Variants in LRRC20 observed in about 807,000 individuals in gnomAD.
LRRC20 encodes the protein leucine rich repeat containing 20, also known as leucine-rich repeat-containing protein 20.
LRRC20 carries 11 observed loss-of-function variants against 14.4 expected under a neutral mutation model. That is an observed-to-expected ratio of 0.77 (90% CI 0.48 to 1.27). The LOEUF (loss-of-function observed/expected upper bound fraction) is 1.27, where lower values mean the gene tolerates loss of function less well. Ranked by LOEUF, LRRC20 falls within the 50% of genes most tolerant of loss-of-function variation. The pLI, the probability that LRRC20 is intolerant of heterozygous loss-of-function variation, is 0.00. For missense variants in LRRC20, 219 were observed against 251.2 expected, an observed-to-expected ratio of 0.87 and a Z score of 0.87; for synonymous variants, 121 against 107.3, an observed-to-expected ratio of 1.13 and a Z score of -0.79.
chr10:70,311,746 A>G (rs1013651600), intron 4 of LRRC20, among the ~76,000 whole-genome samples: 3 of 152,184 alleles, frequency 2.0e-5, no homozygotes, highest in Non-Finnish European at 2.9e-5. Flanking sequence ...TCAAGGACTC[A>G]GTGGCCTATG....
At chr10:70,370,311 C>T (rs916030300) in intron 2 of LRRC20, among the ~76,000 whole-genome samples, 3 of 152,182 alleles carry the variant, frequency 2.0e-5, no homozygotes, top group Non-Finnish European at 2.9e-5. Context: ...GAGGACACAG[C>T]CCTGCGACCC....
intron 2 of LRRC20, among the ~76,000 whole-genome samples, chr10:70,349,850 T>C (rs1490902647): frequency 1.3e-5 from 2 of 152,188 alleles, no homozygotes; most frequent in Non-Finnish European, 2.9e-5. Context: ...TTCCTAATTT[T>C]AGCATTGAGA....
At chr10:70,325,328 G>C (rs905205894) in intron 3 of LRRC20, among the ~76,000 whole-genome samples, 1 of 152,150 alleles carries the variant, frequency 6.6e-6, no homozygotes, top group Non-Finnish European at 1.5e-5. Flanking sequence ...CACATGATCC[G>C]ATCTCCTACT....
intron 2 of LRRC20, among the ~76,000 whole-genome samples, chr10:70,343,244 C>A (rs1022866642): frequency 2.0e-5 from 3 of 152,162 alleles, no homozygotes; most frequent in African/African-American, 7.2e-5. Flanking sequence ...TTTGTGCTAT[C>A]TTCCCAGTGG....
At chr10:70,327,922 C>T (rs1314360914) in intron 3 of LRRC20, among the ~76,000 whole-genome samples, 4 of 152,170 alleles carry the variant, frequency 2.6e-5, no homozygotes, top group Admixed American at 2.0e-4. Context: ...CACGCTGGCA[C>T]CTCACTTCAT....
rs939367646 is a variant in LRRC20 at position 70,303,159 on chromosome 10, TA to T, written c.401-1652del. ...GTATAGTATGTGTCAATAAAACTAT[TA>T]AAAAACAAAGACTATTATGTGCATA... On this transcript the variant is annotated intron_variant, in intron 4 of 4. Transcript: ENST00000446961. Among the ~76,000 whole-genome samples, 21 of 152,314 alleles carry T rather than the reference TA, an allele frequency of 1.4e-4. 1 individual carries two copies. Among genetic ancestry groups the T allele is most frequent in the Admixed American group, 1.1e-3 (17 of 15,306 alleles).
At chr10:70,376,625 C>T in intron 1 of LRRC20, 29 bp from the exon 2 acceptor site, 1 of 1,253,110 alleles carries the variant, frequency 8.0e-7, no homozygotes, top group Non-Finnish European at 1.1e-6. Flanking sequence ...CATGAAGTGC[C>T]CGCCTGCCAG....
rs562182838 is a variant in LRRC20 at position 70,374,282 on chromosome 10, C to T, written c.82+2170G>A. Among the ~76,000 whole-genome samples, 341 of 152,240 alleles carry T rather than the reference C, an allele frequency of 2.2e-3. 3 individuals are homozygous for T. Among genetic ancestry groups the T allele is most frequent in the African/African-American group, 7.8e-3 (322 of 41,530 alleles). On this transcript the variant is annotated intron_variant, in intron 2 of 4. Coordinates refer to ENST00000446961, the MANE Select transcript of LRRC20 (RefSeq NM_001278212.2). Reference sequence around the variant, plus strand: ...CCCCGGTGAGAATTGTTTTCCCTCCCCTGCGGCCTCTCCACTCTTGCCACA... The same window carrying T: ...CCCCGGTGAGAATTGTTTTCCCTCCTCTGCGGCCTCTCCACTCTTGCCACA...
At chr10:70,369,221 G>A (rs1296236052) in intron 2 of LRRC20, among the ~76,000 whole-genome samples, 1 of 152,156 alleles carries the variant, frequency 6.6e-6, no homozygotes, top group Admixed American at 6.5e-5. Context: ...GTGGGAGAAG[G>A]CGGGAAGAGG....
chr10:70,333,795 G>A (rs1842623820), intron 3 of LRRC20, among the ~76,000 whole-genome samples: 1 of 152,200 alleles, frequency 6.6e-6, no homozygotes. Context: ...GCATAACTCA[G>A]GGGAGATGGA....
Position 70,374,596 on chromosome 10 carries a change from G to A in LRRC20, c.82+1856C>T, listed in dbSNP as rs546087151. Among the ~76,000 whole-genome samples, 39 of 152,060 alleles carry A rather than the reference G, an allele frequency of 2.6e-4. 2 individuals carry two copies. In the East Asian group the frequency reaches 6.0e-3, roughly 23 times the overall value. On this transcript the variant is annotated intron_variant, in intron 2 of 4. Coordinates refer to ENST00000446961, the MANE Select transcript of LRRC20 (RefSeq NM_001278212.2). ...TGGCCCCAAGCGATCCACCTGCTTCGGCCTCCCAAAGTGCTGAGATTACAG... is the reference window on the plus strand; with the variant it reads ...TGGCCCCAAGCGATCCACCTGCTTCAGCCTCCCAAAGTGCTGAGATTACAG...
chr10:70,304,119 A>C (rs1397283182), intron 4 of LRRC20, among the ~76,000 whole-genome samples: 1 of 152,110 alleles, frequency 6.6e-6, no homozygotes, highest in Non-Finnish European at 1.5e-5. Flanking sequence ...AGGATCACTC[A>C]GACAACACTA....
chr10:70,335,825 CCTT>C lies in LRRC20; in HGVS notation c.232+4725_232+4727del, dbSNP rs1168492481. The stretch of plus-strand genomic sequence containing the variant: ...CTGTCCCAAAGATGCTTTAGAAACT[CCTT>C]CTTATTTACCTGGTAAACTCCTACT... On this transcript the variant is annotated intron_variant, in intron 3 of 4. Transcript: ENST00000446961. Among the ~76,000 whole-genome samples, 6 of 152,214 alleles carry C rather than the reference CCTT, an allele frequency of 3.9e-5. No homozygotes were observed. The South Asian group carries it at 8.3e-4, about 21-fold the overall frequency.
chr10:70,365,878 G>T (rs1304243327), intron 2 of LRRC20, among the ~76,000 whole-genome samples: 1 of 151,978 alleles, frequency 6.6e-6, no homozygotes, highest in East Asian at 1.9e-4. Flanking sequence ...AGACCATCCT[G>T]GCTAACACGG....
rs74948269 is a variant in LRRC20 at position 70,347,557 on chromosome 10, G to A, written c.83-6855C>T. 3.0e-3 allele frequency among the ~76,000 whole-genome samples: 463 copies of A among 152,168 alleles called. 11 individuals carry two copies. The South Asian group carries it at 0.055, about 18-fold the overall frequency. On this transcript the variant is annotated intron_variant, in intron 2 of 4. Coordinates refer to ENST00000446961, the MANE Select transcript of LRRC20 (RefSeq NM_001278212.2). ...ACAAGTGCCGGGCACGGTGGCTCAC[G>A]TGTGTAATTCCCAGCACTTTGGGAG...
At position 70,301,365 on chromosome 10, in the gene LRRC20, G is replaced by C. The variant is rs1564605149; in HGVS notation, c.544C>G (p.Pro182Ala). Reference sequence around the variant, plus strand: ...ATGAGGAGGGTGGCCTAAGGTAGGGGGGCTCTTGCGCCTTCCGGAGACATG... The same window carrying C: ...ATGAGGAGGGTGGCCTAAGGTAGGGCGGCTCTTGCGCCTTCCGGAGACATG... The part of the protein sequence containing the change: ...MLMSPEGARA[P>A]LP The change falls in exon 5 of 5, where the codon CCC becomes GCC. Residue 182 changes from proline (P) to alanine (A), a missense_variant. Transcript: ENST00000446961. The C allele has an allele frequency of 6.2e-7, 1 of 1,612,818 alleles. No individual in the cohort carries two copies. The highest frequency in any genetic ancestry group is 2.2e-5 in the East Asian group (1 of 44,872).
intron 4 of LRRC20, among the ~76,000 whole-genome samples, chr10:70,310,567 C>T (rs1007375796): frequency 3.9e-5 from 6 of 152,244 alleles, no homozygotes; most frequent in African/African-American, 1.4e-4. Context: ...TGCCCTGCAA[C>T]CTGTGAATAT....
intron 2 of LRRC20, among the ~76,000 whole-genome samples, chr10:70,357,433 G>A (rs756871336): frequency 2.0e-5 from 3 of 152,230 alleles, no homozygotes; most frequent in Non-Finnish European, 2.9e-5. Flanking sequence ...TAAAACGTCT[G>A]CAAGGCTCTT....
intron 4 of LRRC20, among the ~76,000 whole-genome samples, chr10:70,316,329 C>G (rs1430343473): frequency 1.3e-5 from 2 of 152,156 alleles, no homozygotes; most frequent in Non-Finnish European, 2.9e-5. Context: ...GATGGGGTTT[C>G]ACCACATCGG....
Sources: gnomAD v4.1 joint callset for allele counts (sites outside exome capture counted in the v4.1 genomes callset) on GRCh38, gnomAD v4.1.1 for gene constraint, MANE v1.5 for transcripts, NCBI Gene and HGNC (gene_info 2026-07-23, HGNC 2026-07-21) for gene names.